CRISPLD2: variants seen among roughly 807,000 people sequenced by gnomAD.
CRISPLD2 encodes the protein cysteine rich secretory protein LCCL domain containing 2.
CRISPLD2 carries 47 observed loss-of-function variants against 71.1 expected under a neutral mutation model. The ratio of observed to expected loss-of-function variants is 0.66; its 90% CI spans 0.52 to 0.84. The LOEUF is 0.84. Ranked by LOEUF, CRISPLD2 falls within the 40% of genes least tolerant of loss-of-function variation. The probability of loss-of-function intolerance (pLI) is 0.00; values close to 1 mark genes in which losing one functional copy is unlikely to be tolerated. For synonymous variants in CRISPLD2, 317 were observed against 250.1 expected, an observed-to-expected ratio of 1.27 and a Z score of -2.52; for missense variants, 830 against 651.1, an observed-to-expected ratio of 1.27 and a Z score of -2.99.
chr16:84,836,288 C>T (rs1298415582), intron 1 of CRISPLD2: 1 of 152,212 alleles, frequency 6.6e-6, no homozygotes, highest in Admixed American at 6.5e-5. Flanking sequence ...CAACCTCAAC[C>T]CAGCGTCAGA....
intron 11 of CRISPLD2, 22 bp from the exon 12 acceptor site, chr16:84,877,416 T>G: frequency 1.9e-6 from 3 of 1,611,772 alleles, no homozygotes; most frequent in Non-Finnish European, 2.5e-6. Flanking sequence ...CCTGACCCTT[T>G]CCCCCTTGCT....
chr16:84,833,913 A>T (rs1916551711), intron 1 of CRISPLD2, among the ~76,000 whole-genome samples: 1 of 152,130 alleles, frequency 6.6e-6, no homozygotes, highest in South Asian at 2.1e-4. Context: ...ACTTTAGGGC[A>T]AGATTCGGTT....
chr16:84,860,589 C>T (rs183074650), intron 6 of CRISPLD2, among the ~76,000 whole-genome samples: 2 of 152,258 alleles, frequency 1.3e-5, no homozygotes, highest in African/African-American at 2.4e-5. Flanking sequence ...AAAGGCTGAC[C>T]GCAGCGTGGG....
At chr16:84,867,637 G>T (rs1917577698) in intron 7 of CRISPLD2, among the ~76,000 whole-genome samples, 1 of 152,164 alleles carries the variant, frequency 6.6e-6, no homozygotes, top group South Asian at 2.1e-4. Context: ...CATGATCTCG[G>T]CTCACTGCAA....
intron 1 of CRISPLD2, among the ~76,000 whole-genome samples, chr16:84,825,519 G>T (rs1357039173): frequency 6.6e-6 from 1 of 152,194 alleles, no homozygotes; most frequent in Non-Finnish European, 1.5e-5. Flanking sequence ...ACTTTGGGAG[G>T]CCAAGGTGGG....
chr16:84,847,512 G>C (rs373032748), intron 3 of CRISPLD2, among the ~76,000 whole-genome samples: 24 of 152,192 alleles, frequency 1.6e-4, no homozygotes, highest in East Asian at 1.4e-3. Context: ...TTAGCCAGGC[G>C]TGGTGGCAGG....
At position 84,849,422 on chromosome 16, in the gene CRISPLD2, G is replaced by A; in HGVS notation, c.397G>A (p.Asp133Asn). Reference sequence around the variant, plus strand: ...GGGGTTCCATGTGCAGTCCTGGTATGACGAGGTGAAGGACTACACCTACCC... The same window carrying A: ...GGGGTTCCATGTGCAGTCCTGGTATAACGAGGTGAAGGACTACACCTACCC... Reference protein sequence around the residue: ...SPGFHVQSWYDEVKDYTYPYP... With the variant: ...SPGFHVQSWYNEVKDYTYPYP... Residue 133 changes from aspartate to asparagine, a missense_variant, in exon 4 of 15, where the codon GAC (aspartate) becomes AAC (asparagine). Coordinates refer to ENST00000262424, the MANE Select transcript of CRISPLD2 (RefSeq NM_031476.4). The A allele has an allele frequency of 1.2e-6, 2 of 1,614,160 alleles. No individual in the cohort carries two copies. Among genetic ancestry groups the A allele is most frequent in the Non-Finnish European group, 1.7e-6 (2 of 1,180,008 alleles).
chr16:84,842,940 T>G (rs1028697637), intron 2 of CRISPLD2, among the ~76,000 whole-genome samples: 1 of 152,198 alleles, frequency 6.6e-6, no homozygotes, highest in African/African-American at 2.4e-5. Context: ...CCTCCCGGTC[T>G]GGAGCAGGCT....
At chr16:84,886,817 G>A (rs1048649649) in intron 13 of CRISPLD2, among the ~76,000 whole-genome samples, 12 of 152,198 alleles carry the variant, frequency 7.9e-5, no homozygotes, top group African/African-American at 2.9e-4. Context: ...CCTGTCCCCC[G>A]ACAAAAAAAT....
At chr16:84,877,047 G>C (rs2071525338) in intron 11 of CRISPLD2, among the ~76,000 whole-genome samples, 1 of 152,136 alleles carries the variant, frequency 6.6e-6, no homozygotes, top group Non-Finnish European at 1.5e-5. Flanking sequence ...CCTCAGTCCT[G>C]GGAAGGGCAC....
At chr16:84,900,385 T>G (rs1399425297) in intron 14 of CRISPLD2, among the ~76,000 whole-genome samples, 3 of 151,858 alleles carry the variant, frequency 2.0e-5, no homozygotes, top group African/African-American at 4.8e-5. Context: ...GGAGCGGAGA[T>G]CCTAAAGGAA....
At position 84,877,458 on chromosome 16, in the gene CRISPLD2, A is replaced by G. The variant is rs1013863173; in HGVS notation, c.1177A>G (p.Thr393Ala). ...CACAGTGCAGGATTTGGACTGCTAC[A>G]CGACCGTTGCTCAGCTGTGCCCGTT... ...KVKVQDLDCYTTVAQLCPFEK... is the reference protein window; with the variant it reads ...KVKVQDLDCYATVAQLCPFEK... Residue 393 changes from threonine to alanine, a missense_variant, in exon 12 of 15, where the codon ACG becomes GCG. By Grantham distance (58) the Thr-to-Ala change is moderately conservative (BLOSUM62 0). Coordinates refer to ENST00000262424, the MANE Select transcript of CRISPLD2 (RefSeq NM_031476.4). 7.4e-6 allele frequency: 12 copies of G among 1,613,784 alleles called. No homozygotes were observed. Among genetic ancestry groups the G allele is most frequent in the African/African-American group, 1.3e-5 (1 of 74,902 alleles).
At chr16:84,905,811 G>C (rs1013619954) in intron 14 of CRISPLD2, among the ~76,000 whole-genome samples, 3 of 150,590 alleles carry the variant, frequency 2.0e-5, no homozygotes, top group African/African-American at 7.4e-5. Context: ...CCAGGTTCAA[G>C]TGATTCTTCT....
intron 14 of CRISPLD2, among the ~76,000 whole-genome samples, chr16:84,905,723 T>C (rs1433032600): frequency 2.0e-5 from 3 of 150,208 alleles, no homozygotes; most frequent in Non-Finnish European, 4.4e-5. Flanking sequence ...TTTTTTTTTT[T>C]TTGGAGACAA....
chr16:84,896,967 C>T (rs944687434), intron 14 of CRISPLD2, among the ~76,000 whole-genome samples: 1 of 152,294 alleles, frequency 6.6e-6, no homozygotes, highest in East Asian at 1.9e-4. Context: ...TCCTTAATCC[C>T]GTCTGTGTGT....
Position 84,849,438 on chromosome 16 carries a change from A to T in CRISPLD2, c.413A>T (p.Tyr138Phe). The T allele has an allele frequency of 6.2e-7, 1 of 1,613,958 alleles. No homozygotes were observed. The highest frequency in any genetic ancestry group is 8.5e-7 in the Non-Finnish European group (1 of 1,179,858). ...TCCTGGTATGACGAGGTGAAGGACT[A>T]CACCTACCCCTACCCGAGCGAGTGC... is the stretch of plus-strand genomic sequence containing the variant. ...VQSWYDEVKD[Y>F]TYPYPSECNP... Residue 138 changes from tyrosine to phenylalanine, a missense_variant, in exon 4 of 15, where the codon TAC becomes TTC. Transcript: ENST00000262424.
intron 6 of CRISPLD2, among the ~76,000 whole-genome samples, chr16:84,863,603 C>T (rs1917449367): frequency 6.6e-6 from 1 of 152,240 alleles, no homozygotes; most frequent in Non-Finnish European, 1.5e-5. Flanking sequence ...CTTACCCTCT[C>T]TGAGCCTTCT....
intron 3 of CRISPLD2, 196 bp from the exon 4 acceptor site, chr16:84,849,189 C>A: frequency 1.7e-6 from 1 of 571,978 alleles, no homozygotes. Context: ...CCTCGCTGCC[C>A]GTGGCTGCTC....
intron 14 of CRISPLD2, among the ~76,000 whole-genome samples, chr16:84,895,538 A>G (rs939637396): frequency 2.0e-5 from 3 of 152,222 alleles, no homozygotes; most frequent in African/African-American, 7.2e-5. Flanking sequence ...CCCCGTGCAC[A>G]TAAAACTCAC....
Sources: gnomAD v4.1 joint callset for allele counts (sites outside exome capture counted in the v4.1 genomes callset) on GRCh38, gnomAD v4.1.1 for gene constraint, MANE v1.5 for transcripts, NCBI Gene and HGNC (gene_info 2026-07-23, HGNC 2026-07-21) for gene names.